The following TBC1D19 variants were observed in gnomAD, a reference collection of about 807,000 sequenced individuals.
The protein encoded by TBC1D19 is TBC1 domain family member 19, also known as TBC1 domain family, member 19.
Under a neutral mutation model 89.0 loss-of-function variants are expected in TBC1D19, and 60 were observed. The observed-to-expected ratio is 0.67, with a 90% CI of 0.55 to 0.84. The LOEUF is 0.84. Among genes scored for constraint, TBC1D19 ranks in the 40% least tolerant of loss-of-function variants. TBC1D19 has a pLI of 0.00. For missense variants in TBC1D19, 500 were observed against 610.8 expected, an observed-to-expected ratio of 0.82 and a Z score of 1.91; for synonymous variants, 189 against 199.7, an observed-to-expected ratio of 0.95 and a Z score of 0.45.
intron 7 of TBC1D19, among the ~76,000 whole-genome samples, chr4:26,650,044 A>G (rs1175587112): frequency 1.3e-5 from 2 of 152,164 alleles, no homozygotes; most frequent in African/African-American, 2.4e-5. Context: ...ACATGAACTC[A>G]TCATTTTTTA....
the TBC1D19 span, among the ~76,000 whole-genome samples, chr4:26,802,947 C>G: frequency 5.9e-5 from 9 of 152,324 alleles, no homozygotes; most frequent in Non-Finnish European, 1.2e-4. Context: ...TCACTGTATC[C>G]TCATGCGGTG....
chr4:26,822,896 C>T, the TBC1D19 span, among the ~76,000 whole-genome samples: 1,006 of 152,300 alleles, frequency 6.6e-3, 62 homozygotes, highest in East Asian at 0.15. Context: ...TCCAGTCCCA[C>T]CCTTCCCCAC....
intron 7 of TBC1D19, among the ~76,000 whole-genome samples, chr4:26,647,692 T>C (rs1427285976): frequency 6.6e-6 from 1 of 152,146 alleles, no homozygotes; most frequent in Non-Finnish European, 1.5e-5. Flanking sequence ...TGATTGGTCT[T>C]ACTCCAGCTA....
chr4:26,593,544 G>A (rs1739975804), intron 1 of TBC1D19, among the ~76,000 whole-genome samples: 1 of 152,176 alleles, frequency 6.6e-6, no homozygotes, highest in Non-Finnish European at 1.5e-5. Flanking sequence ...CCGTCAGAGT[G>A]AACAGGCAAC....
chr4:26,732,750 C>A (rs1443852794), intron 15 of TBC1D19, among the ~76,000 whole-genome samples: 1 of 152,148 alleles, frequency 6.6e-6, no homozygotes. Context: ...AAGCTGCAAA[C>A]CTGACTGCTG....
the TBC1D19 span, among the ~76,000 whole-genome samples, chr4:26,809,609 G>A: frequency 6.6e-6 from 1 of 152,190 alleles, no homozygotes; most frequent in Non-Finnish European, 1.5e-5. Context: ...AAAGGAAGGA[G>A]CAAATGTGGC....
At chr4:26,650,643 T>C (rs963576358) in intron 7 of TBC1D19, among the ~76,000 whole-genome samples, 1 of 152,154 alleles carries the variant, frequency 6.6e-6, no homozygotes, top group African/African-American at 2.4e-5. Flanking sequence ...ATTGCAAAAA[T>C]TTTCTCCCAT....
At chr4:26,800,103 C>T in the TBC1D19 span, among the ~76,000 whole-genome samples, 1 of 151,832 alleles carries the variant, frequency 6.6e-6, no homozygotes, top group South Asian at 2.1e-4. Flanking sequence ...TGTGCTGCAC[C>T]CATTGACTCG....
At chr4:26,761,980 A>G in the TBC1D19 span, among the ~76,000 whole-genome samples, 1 of 152,216 alleles carries the variant, frequency 6.6e-6, no homozygotes, top group Non-Finnish European at 1.5e-5. Flanking sequence ...TACAAAAAAA[A>G]GAAAAATTAG....
At chr4:26,753,718 A>T in intron 19 of TBC1D19, 102 bp from the exon 20 acceptor site, 1 of 1,193,714 alleles carries the variant, frequency 8.4e-7, no homozygotes, top group Non-Finnish European at 1.2e-6. Flanking sequence ...GTAAAGCACT[A>T]GTTCTGAGTT....
intron 7 of TBC1D19, 54 bp from the exon 8 acceptor site, chr4:26,659,541 TAA>T: frequency 8.7e-7 from 1 of 1,144,470 alleles, no homozygotes. Context: ...GCTAATTTTA[TAA>T]GTGTAAACAT....
rs1433043868 is a variant in TBC1D19, at chr4:26,735,565, CAG to C, written c.1117+80_1117+81del. 11 of 1,273,228 alleles carry C rather than the reference CAG, an allele frequency of 8.6e-6. No individual in the cohort carries two copies. The Admixed American group carries it at 1.8e-4, about 21-fold the overall frequency. 78.9% of individuals were successfully genotyped at this position (1,273,228 alleles called of 1,614,324 possible). Reference sequence around the variant, plus strand: ...TGTCAATTTAAAAAATAATGACTGACAGATATAATTGTTTTACTATAGTAAAA... The same window carrying C: ...TGTCAATTTAAAAAATAATGACTGACATATAATTGTTTTACTATAGTAAAA... On this transcript the variant is annotated intron_variant, in intron 16 of 20. Coordinates refer to ENST00000264866, the MANE Select transcript of TBC1D19 (RefSeq NM_018317.4).
chr4:26,697,928 G>A (rs1171091451), intron 13 of TBC1D19, among the ~76,000 whole-genome samples: 19 of 152,024 alleles, frequency 1.2e-4, no homozygotes, highest in Admixed American at 7.9e-4. Context: ...AAAAACTGGA[G>A]GCATTCCCTT....
At chr4:26,646,043 A>AC (rs1451939245) in intron 7 of TBC1D19, among the ~76,000 whole-genome samples, 27 of 143,750 alleles carry the variant, frequency 1.9e-4, no homozygotes, top group Admixed American at 9.6e-4. Flanking sequence ...GAATGGCGTG[A>AC]CCCCGGGAGG....
chr4:26,851,885 A>C, the TBC1D19 span, among the ~76,000 whole-genome samples: 2 of 152,148 alleles, frequency 1.3e-5, no homozygotes, highest in African/African-American at 4.8e-5. Flanking sequence ...TCAGCTATCA[A>C]GTTCTTTTAT....
At chr4:26,748,337 G>C (rs1718763927) in intron 18 of TBC1D19, 74 bp from the exon 19 acceptor site, 2 of 1,017,628 alleles carry the variant, frequency 2.0e-6, no homozygotes, top group Non-Finnish European at 3.0e-6. Flanking sequence ...GAATTGGTTG[G>C]GTTCTTCTGA....
upstream of TBC1D19, among the ~76,000 whole-genome samples, chr4:26,581,301 GCACCCAT>G (rs965028308): frequency 4.6e-5 from 7 of 152,136 alleles, no homozygotes; most frequent in African/African-American, 1.7e-4. Context: ...GTGGTTTGCT[GCACCCAT>G]CAACCTGTCA....
chr4:26,784,720 G>A, the TBC1D19 span, among the ~76,000 whole-genome samples: 3 of 152,158 alleles, frequency 2.0e-5, no homozygotes. Context: ...GTGACAACAT[G>A]CTTGAGTATC....
In TBC1D19 at chr4:26,634,951, T is replaced by G. The variant is rs145744927; in HGVS notation, c.295-2260T>G. On this transcript the variant is annotated intron_variant, in intron 4 of 20. Transcript: ENST00000264866. ...ACTCTGTATATTATGAGCTGCACAT[T>G]CATGTCTATTGTATTTAATAACTTT... Among the ~76,000 whole-genome samples the G allele has an allele frequency of 4.8e-4, 73 of 152,284 alleles. 1 individual carries two copies. In the East Asian group the frequency reaches 0.013, roughly 27 times the overall value.
Sources: gnomAD v4.1 joint callset for allele counts (sites outside exome capture counted in the v4.1 genomes callset) on GRCh38, gnomAD v4.1.1 for gene constraint, MANE v1.5 for transcripts, NCBI Gene and HGNC (gene_info 2026-07-23, HGNC 2026-07-21) for gene names.